Variants in RBM41 observed in about 807,000 individuals in gnomAD.
RBM41 encodes RNA binding motif protein 41.
In RBM41, 14 loss-of-function variants were observed where a neutral mutation model predicts 30.8. The ratio of observed to expected loss-of-function variants is 0.45; its 90% CI spans 0.30 to 0.71. The LOEUF (loss-of-function observed/expected upper bound fraction) is 0.71, where lower values mean the gene tolerates loss of function less well. RBM41 is among the 30% of genes least tolerant of loss of function. RBM41 has a pLI of 0.08. For missense variants in RBM41, 276 were observed against 326.3 expected, an observed-to-expected ratio of 0.85 and a Z score of 1.19; for synonymous variants, 120 against 110.1, an observed-to-expected ratio of 1.09 and a Z score of -0.56.
chrX:107,070,438 A>G (rs1936014861), intron 6 of RBM41: 1 of 296,542 alleles, frequency 3.4e-6, no homozygotes, highest in Admixed American at 3.8e-5. Context: ...AGGAGGAAAG[A>G]TATAAAAATA....
chrX:107,065,003 T>C lies in RBM41; in HGVS notation c.*2524A>G, dbSNP rs183804163. 4 of 112,253 alleles carry C rather than the reference T, an allele frequency of 3.6e-5. No individual in the cohort carries two copies. Among genetic ancestry groups the C allele is most frequent in the African/African-American group, 1.3e-4 (4 of 30,965 alleles). The allele number at this position is 112,253 out of a possible 1,213,427, so 9.3% of individuals were successfully genotyped here. A position where few individuals can be genotyped will look rare whatever the true frequency, so the allele number is the denominator to read the frequency against. On this transcript the variant is annotated 3_prime_UTR_variant, in exon 8 of 8. Coordinates refer to ENST00000685964, the MANE Select transcript of RBM41 (RefSeq NM_001324242.2). ...CATCTTCCTGATGTATTGACCCTTTTATCATTGTAACATTTTACTCTTTAT... is the reference window on the plus strand; with the variant it reads ...CATCTTCCTGATGTATTGACCCTTTCATCATTGTAACATTTTACTCTTTAT...
At chrX:107,070,670 C>T (rs1569325391) in intron 6 of RBM41, among the ~76,000 whole-genome samples, 2 of 111,556 alleles carry the variant, frequency 1.8e-5, no homozygotes, top group African/African-American at 6.5e-5. Context: ...TAGGAAAAAA[C>T]TTCAACAAAC....
At chrX:107,061,419 T>C (rs1199754325), downstream of RBM41, among the ~76,000 whole-genome samples, 3 of 112,161 alleles carry the variant, frequency 2.7e-5, no homozygotes, top group South Asian at 3.7e-4. Flanking sequence ...TCTTAGTTTA[T>C]TGGTCATTTA....
intron 4 of RBM41, among the ~76,000 whole-genome samples, chrX:107,114,097 C>T (rs561432750): frequency 1.8e-5 from 2 of 111,743 alleles, no homozygotes; most frequent in African/African-American, 3.2e-5. Context: ...AGTCACACAG[C>T]CTTGAAACCT....
intron 5 of RBM41, among the ~76,000 whole-genome samples, chrX:107,092,834 T>C (rs1351862365): frequency 9.0e-6 from 1 of 111,653 alleles, no homozygotes; most frequent in Non-Finnish European, 1.9e-5. Context: ...ATGCTCAACA[T>C]ACAATCCATC....
chrX:107,101,673 T>C (rs1669673055), intron 5 of RBM41, among the ~76,000 whole-genome samples: 1 of 112,010 alleles, frequency 8.9e-6, no homozygotes, highest in African/African-American at 3.2e-5. Flanking sequence ...CATTTTGATT[T>C]TGTAGCCTCC....
intron 5 of RBM41, among the ~76,000 whole-genome samples, chrX:107,101,134 T>C (rs1357855382): frequency 9.0e-6 from 1 of 111,286 alleles, no homozygotes; most frequent in Non-Finnish European, 1.9e-5. Flanking sequence ...ATAAGGAAAT[T>C]ATCACAAGTT....
intron 6 of RBM41, among the ~76,000 whole-genome samples, chrX:107,074,744 T>C (rs1936175664): frequency 9.0e-6 from 1 of 111,660 alleles, no homozygotes; most frequent in Non-Finnish European, 1.9e-5. Context: ...AAACTACAAA[T>C]GTTGCTGAAA....
At chrX:107,112,251 G>C (rs1924550943) in intron 5 of RBM41, among the ~76,000 whole-genome samples, 1 of 111,372 alleles carries the variant, frequency 9.0e-6, no homozygotes, top group Non-Finnish European at 1.9e-5. Flanking sequence ...TTAGCAAACA[G>C]GATATAAGGA....
intron 6 of RBM41, 40 bp downstream of exon 6, chrX:107,088,396 C>A: frequency 8.7e-7 from 1 of 1,148,103 alleles, no homozygotes; most frequent in Non-Finnish European, 1.2e-6. Context: ...TAAATAAAAG[C>A]GAAATCAACC....
intron 6 of RBM41, among the ~76,000 whole-genome samples, chrX:107,079,347 G>A (rs762311733): frequency 4.5e-5 from 5 of 111,575 alleles, no homozygotes; most frequent in African/African-American, 9.8e-5. Context: ...CCTGGCCCCC[G>A]CCATCTGCCA....
the RBM41 span, among the ~76,000 whole-genome samples, chrX:107,056,606 TTG>T: frequency 8.0e-5 from 9 of 111,819 alleles, no homozygotes; most frequent in Non-Finnish European, 1.7e-4. Flanking sequence ...ATTTTGGTAG[TTG>T]TGTGTTTCTA....
chrX:107,079,553 T>A (rs955209248), intron 6 of RBM41, among the ~76,000 whole-genome samples: 2 of 111,834 alleles, frequency 1.8e-5, no homozygotes, highest in African/African-American at 6.5e-5. Context: ...TTTTCCCCCA[T>A]CCCTTCGATG....
chrX:107,059,485 T>A (rs1935610163), downstream of RBM41, among the ~76,000 whole-genome samples: 1 of 111,649 alleles, frequency 9.0e-6, no homozygotes, highest in African/African-American at 3.3e-5. Context: ...CCTGCATATG[T>A]ATCCTGGAAC....
At chrX:107,061,759 CTGA>C (rs113875742), downstream of RBM41, among the ~76,000 whole-genome samples, 5,892 of 111,123 alleles carry the variant, frequency 0.053, 398 homozygotes, top group African/African-American at 0.18. Context: ...ATGTTTCTAA[CTGA>C]TGATTTCTGC....
intron 4 of RBM41, 134 bp from the exon 5 acceptor site, chrX:107,113,602 A>G: frequency 1.3e-6 from 1 of 776,142 alleles, no homozygotes; most frequent in Non-Finnish European, 1.7e-6. Context: ...CCTCTTAGTA[A>G]CCCTGTAACA....
intron 1 of RBM41, among the ~76,000 whole-genome samples, chrX:107,117,936 TATC>T (rs777813582): frequency 9.0e-6 from 1 of 111,273 alleles, no homozygotes; most frequent in South Asian, 3.8e-4. Flanking sequence ...ATGGAGGAGA[TATC>T]ATAAAAAAAT....
chrX:107,096,181 G>A (rs903301259), intron 5 of RBM41, among the ~76,000 whole-genome samples: 15 of 112,133 alleles, frequency 1.3e-4, no homozygotes, highest in Non-Finnish European at 2.3e-4. Context: ...TTAAAGATCA[G>A]TTTTCTCCAA....
chrX:107,098,453 C>T (rs749976260), intron 5 of RBM41, among the ~76,000 whole-genome samples: 4 of 110,971 alleles, frequency 3.6e-5, no homozygotes, highest in Admixed American at 9.5e-5. Context: ...GACAAAGGAA[C>T]AAAAGAGAGA....
Sources: allele counts gnomAD v4.1 joint callset (sites outside exome capture counted in the v4.1 genomes callset), GRCh38; gene constraint gnomAD v4.1.1; transcripts MANE v1.5; gene names NCBI Gene and HGNC (gene_info 2026-07-23, HGNC 2026-07-21).